The following KLF12 variants were observed in gnomAD, a reference collection of about 807,000 sequenced individuals.
KLF12 encodes the protein KLF transcription factor 12.
A neutral mutation model predicts 37.8 loss-of-function variants in KLF12; 9 were observed. That is an observed-to-expected ratio of 0.24 (90% CI 0.14 to 0.42). KLF12 has a LOEUF of 0.42. KLF12 is among the 10% of genes least tolerant of loss of function. The pLI, the probability that KLF12 is intolerant of heterozygous loss-of-function variation, is 1.00. For synonymous variants in KLF12, 208 were observed against 202.1 expected, an observed-to-expected ratio of 1.03 and a Z score of -0.25; for missense variants, 411 against 516.0, an observed-to-expected ratio of 0.80 and a Z score of 1.97.
chr13:73,718,237 A>G (rs1404551082), intron 6 of KLF12, among the ~76,000 whole-genome samples: 1 of 152,228 alleles, frequency 6.6e-6, no homozygotes, highest in African/African-American at 2.4e-5. Flanking sequence ...AGCCAACCAA[A>G]AAAACCCTGA....
intron 7 of KLF12, 55 bp downstream of exon 7, chr13:73,715,313 C>G: frequency 7.2e-6 from 11 of 1,537,734 alleles, no homozygotes; most frequent in Non-Finnish European, 9.7e-6. Context: ...GGTAAGTGGC[C>G]GGCGCTTTAT....
chr13:73,699,485 T>A (rs1477877346), intron 7 of KLF12, among the ~76,000 whole-genome samples: 1 of 152,182 alleles, frequency 6.6e-6, no homozygotes, highest in Non-Finnish European at 1.5e-5. Flanking sequence ...CAGAATCTTC[T>A]GCTCATTAAA....
chr13:73,728,288 A>C (rs1183300643), intron 6 of KLF12, among the ~76,000 whole-genome samples: 2 of 152,194 alleles, frequency 1.3e-5, no homozygotes, highest in Non-Finnish European at 2.9e-5. Context: ...AAATGCAATG[A>C]ATGTTTGTTT....
At chr13:73,869,236 A>G (rs552813994) in intron 3 of KLF12, among the ~76,000 whole-genome samples, 4 of 152,334 alleles carry the variant, frequency 2.6e-5, no homozygotes, top group East Asian at 3.9e-4. Flanking sequence ...AAGCTATTAT[A>G]TAGATGCACC....
At chr13:74,194,718 C>A in the KLF12 span, among the ~76,000 whole-genome samples, 1 of 152,134 alleles carries the variant, frequency 6.6e-6, no homozygotes, top group African/African-American at 2.4e-5. Flanking sequence ...ATAGGAATTT[C>A]ATGTTTAAAG....
intron 3 of KLF12, among the ~76,000 whole-genome samples, chr13:73,894,399 G>A (rs1367742611): frequency 6.6e-6 from 1 of 152,168 alleles, no homozygotes; most frequent in African/African-American, 2.4e-5. Flanking sequence ...AGGGATCTAA[G>A]AGAGTCTCCT....
intron 5 of KLF12, among the ~76,000 whole-genome samples, chr13:73,771,260 G>A (rs1181531125): frequency 1.3e-5 from 2 of 152,152 alleles, no homozygotes; most frequent in African/African-American, 4.8e-5. Flanking sequence ...TATTCCAGGG[G>A]ACAAGGGAAC....
At chr13:74,258,194 TG>T in the KLF12 span, 1 of 131,080 alleles carries the variant, frequency 7.6e-6, no homozygotes, top group South Asian at 2.4e-4. Flanking sequence ...TGTGTGTGTG[TG>T]TGTGTGTGTA....
At chr13:74,070,483 A>G (rs1874165855) in intron 1 of KLF12, among the ~76,000 whole-genome samples, 3 of 150,826 alleles carry the variant, frequency 2.0e-5, no homozygotes, top group Admixed American at 2.0e-4. Context: ...ACAGAGGAAT[A>G]TGGGGTTTTG....
At chr13:73,848,527 C>T (rs1298062855) in intron 3 of KLF12, among the ~76,000 whole-genome samples, 1 of 148,454 alleles carries the variant, frequency 6.7e-6, no homozygotes, top group Admixed American at 6.8e-5. Context: ...CAGGGTTATA[C>T]CTCATAAATA....
At chr13:73,810,607 T>A (rs1431085240) in intron 5 of KLF12, among the ~76,000 whole-genome samples, 1 of 150,830 alleles carries the variant, frequency 6.6e-6, no homozygotes, top group East Asian at 1.9e-4. Context: ...AGTTCCAAAC[T>A]TTAAAGTTTA....
intron 1 of KLF12, among the ~76,000 whole-genome samples, chr13:74,061,398 G>A (rs1286606620): frequency 6.6e-6 from 1 of 152,132 alleles, no homozygotes; most frequent in Non-Finnish European, 1.5e-5. Context: ...AAAGACAGAT[G>A]AAATCAAGGT....
chr13:74,165,095 T>C, the KLF12 span, among the ~76,000 whole-genome samples: 6 of 152,148 alleles, frequency 3.9e-5, no homozygotes, highest in Admixed American at 1.3e-4. Context: ...CCTGAGGTGA[T>C]GGATACCCCA....
intron 2 of KLF12, among the ~76,000 whole-genome samples, chr13:73,955,872 C>T (rs760246897): frequency 6.6e-6 from 1 of 152,144 alleles, no homozygotes; most frequent in African/African-American, 2.4e-5. Flanking sequence ...GTCAGCAATA[C>T]CAACACCTCT....
intron 7 of KLF12, among the ~76,000 whole-genome samples, chr13:73,713,530 G>A (rs1432893185): frequency 1.3e-5 from 2 of 152,196 alleles, no homozygotes; most frequent in Non-Finnish European, 2.9e-5. Flanking sequence ...GGGGTTCCCC[G>A]AATTAGGAAA....
intron 6 of KLF12, among the ~76,000 whole-genome samples, chr13:73,746,909 G>C (rs1446642784): frequency 7.0e-6 from 1 of 143,772 alleles, no homozygotes; most frequent in Non-Finnish European, 1.5e-5. Context: ...CTGCCTCCCT[G>C]GTTCAGGTGA....
At chr13:74,269,622 T>C in the KLF12 span, among the ~76,000 whole-genome samples, 1 of 152,206 alleles carries the variant, frequency 6.6e-6, no homozygotes, top group African/African-American at 2.4e-5. Context: ...GAGAGAAGGA[T>C]ATATACAGAT....
At chr13:73,944,978 T>C (rs2139374091) in intron 2 of KLF12, among the ~76,000 whole-genome samples, 1 of 152,266 alleles carries the variant, frequency 6.6e-6, no homozygotes, top group African/African-American at 2.4e-5. Flanking sequence ...CAGAACTAAA[T>C]TTGATTGAGA....
rs1052363428 is a variant in KLF12 at position 73,692,505 on chromosome 13, C to T, written c.*2985G>A. The T allele has an allele frequency of 3.9e-5, 6 of 152,624 alleles. No individual in the cohort carries two copies. Among genetic ancestry groups the T allele is most frequent in the African/African-American group, 4.8e-5 (2 of 41,450 alleles). The allele number at this position is 152,624 out of a possible 1,614,324, so 9.5% of individuals were successfully genotyped here. On this transcript the variant is annotated 3_prime_UTR_variant, in exon 8 of 8. Transcript: ENST00000377669. The stretch of plus-strand genomic sequence containing the variant: ...TAAAATCAAAGAATGCTTCTAGTTA[C>T]GGAACAACTGTTATGTCCTTTAGGA...
Sources: gnomAD v4.1 joint callset for allele counts (sites outside exome capture counted in the v4.1 genomes callset) on GRCh38, gnomAD v4.1.1 for gene constraint, MANE v1.5 for transcripts, NCBI Gene and HGNC (gene_info 2026-07-23, HGNC 2026-07-21) for gene names.